THADA: variants seen among roughly 807,000 people sequenced by gnomAD.
The protein encoded by THADA is THADA armadillo repeat containing, also known as tRNA (32-2'-O)-methyltransferase regulator THADA.
In THADA, 213 loss-of-function variants were observed where a neutral mutation model predicts 219.8. That is an observed-to-expected ratio of 0.97 (90% CI 0.87 to 1.09). The LOEUF (loss-of-function observed/expected upper bound fraction) is 1.09. Among genes scored for constraint, THADA ranks in the 50% least tolerant of loss-of-function variants. The probability of loss-of-function intolerance (pLI) is 0.00; values close to 1 mark genes in which losing one functional copy is unlikely to be tolerated. For synonymous variants in THADA, 1,018 were observed against 828.9 expected, an observed-to-expected ratio of 1.23 and a Z score of -3.92; for missense variants, 2,956 against 2,311.3, an observed-to-expected ratio of 1.28 and a Z score of -5.72.
chr2:43,386,187 T>C (rs1292260221), intron 29 of THADA, among the ~76,000 whole-genome samples: 2 of 152,044 alleles, frequency 1.3e-5, no homozygotes, highest in African/African-American at 4.8e-5. Context: ...AAGGCAACAA[T>C]TGGCCAAAAA....
intron 28 of THADA, among the ~76,000 whole-genome samples, chr2:43,417,037 CTTTTTTTTTT>C (rs67993873): frequency 2.1e-5 from 2 of 93,780 alleles, no homozygotes; most frequent in Admixed American, 1.2e-4. Flanking sequence ...TGGCTGTTTT[CTTTTTTTTTT>C]TTTTTTTTTT....
intron 30 of THADA, chr2:43,343,821 A>G (rs932279852): frequency 1.2e-5 from 3 of 245,404 alleles, no homozygotes; most frequent in Non-Finnish European, 2.4e-5. Flanking sequence ...ACTGCCTTTC[A>G]TTGTTATAAT....
chr2:43,513,731 C>G (rs1367568456), intron 22 of THADA, among the ~76,000 whole-genome samples: 1 of 151,800 alleles, frequency 6.6e-6, no homozygotes, highest in Non-Finnish European at 1.5e-5. Flanking sequence ...GCCAGTGAGC[C>G]AAAATTCAAA....
At chr2:43,462,262 C>G (rs1683723973) in intron 26 of THADA, among the ~76,000 whole-genome samples, 1 of 152,164 alleles carries the variant, frequency 6.6e-6, no homozygotes, top group South Asian at 2.1e-4. Flanking sequence ...CATCTTTCCA[C>G]AGAAACTCTA....
At chr2:43,557,057 T>C (rs1697449892) in intron 16 of THADA, among the ~76,000 whole-genome samples, 1 of 151,962 alleles carries the variant, frequency 6.6e-6, no homozygotes, top group Non-Finnish European at 1.5e-5. Flanking sequence ...TGCTCCAGCC[T>C]AGGCAATAGA....
chr2:43,342,317 A>G (rs1324224835), intron 30 of THADA, among the ~76,000 whole-genome samples: 1 of 152,176 alleles, frequency 6.6e-6, no homozygotes, highest in Non-Finnish European at 1.5e-5. Context: ...TCCCTATCCA[A>G]AGCTATTAAT....
intron 22 of THADA, among the ~76,000 whole-genome samples, chr2:43,527,598 T>TAA (rs142899117): frequency 0.11 from 16,834 of 148,146 alleles, 1,045 homozygotes; most frequent in African/African-American, 0.17. Flanking sequence ...TTTCATTCAA[T>TAA]AAAAAAAAAA....
chr2:43,463,266 G>T (rs980252006), intron 26 of THADA: 16 of 152,090 alleles, frequency 1.1e-4, no homozygotes, highest in African/African-American at 3.6e-4. Context: ...TTACACAAAG[G>T]TATCAGAAAG....
intron 31 of THADA, among the ~76,000 whole-genome samples, chr2:43,298,798 G>A (rs1675903705): frequency 6.6e-6 from 1 of 152,136 alleles, no homozygotes; most frequent in Admixed American, 6.5e-5. Flanking sequence ...CAAAGAAGGA[G>A]GAGATGGGGA....
intron 36 of THADA, among the ~76,000 whole-genome samples, chr2:43,255,601 G>A (rs926467270): frequency 1.3e-5 from 2 of 152,198 alleles, no homozygotes; most frequent in African/African-American, 4.8e-5. Flanking sequence ...AACCTCTCCC[G>A]CCTTTTGGAG....
At chr2:43,554,686 C>T (rs1441741390) in intron 17 of THADA, among the ~76,000 whole-genome samples, 1 of 152,062 alleles carries the variant, frequency 6.6e-6, no homozygotes, top group Non-Finnish European at 1.5e-5. Flanking sequence ...ATACAAGTCT[C>T]GGAATTTGTT....
At chr2:43,239,403 C>T (rs989923582) in intron 36 of THADA, among the ~76,000 whole-genome samples, 1 of 152,242 alleles carries the variant, frequency 6.6e-6, no homozygotes, top group African/African-American at 2.4e-5. Flanking sequence ...AAGACCCAGG[C>T]CTCACACAGT....
chr2:43,419,084 G>A (rs1677373207), intron 28 of THADA, among the ~76,000 whole-genome samples: 2 of 152,118 alleles, frequency 1.3e-5, no homozygotes, highest in African/African-American at 4.8e-5. Context: ...GTTTCTCCAT[G>A]GACAGAACCC....
chr2:43,464,819 C>A (rs900145551), intron 26 of THADA, among the ~76,000 whole-genome samples: 1 of 152,102 alleles, frequency 6.6e-6, no homozygotes, highest in South Asian at 2.1e-4. Flanking sequence ...CCCCGCAGGA[C>A]TGTATTTTCA....
At chr2:43,492,904 G>A (rs1276266943) in intron 25 of THADA, among the ~76,000 whole-genome samples, 1 of 152,134 alleles carries the variant, frequency 6.6e-6, no homozygotes, top group East Asian at 1.9e-4. Context: ...ACATATGAGT[G>A]AATTAGAAAA....
intron 37 of THADA, among the ~76,000 whole-genome samples, chr2:43,232,460 G>A (rs568370789): frequency 2.0e-5 from 3 of 152,046 alleles, no homozygotes; most frequent in Non-Finnish European, 4.4e-5. Flanking sequence ...TTACAAGCAT[G>A]AGCCGCTGTG....
At chr2:43,503,442 C>T (rs534794774) in intron 24 of THADA, among the ~76,000 whole-genome samples, 30 of 151,860 alleles carry the variant, frequency 2.0e-4, no homozygotes, top group Admixed American at 4.6e-4. Flanking sequence ...TAAAAAGTGT[C>T]GAAAACAACA....
chr2:43,563,585 T>G (rs1399149228), intron 15 of THADA: 1 of 152,226 alleles, frequency 6.6e-6, no homozygotes, highest in African/African-American at 2.4e-5. Flanking sequence ...TTTGGGACTG[T>G]GAATATCCTC....
chr2:43,409,574 T>C (rs746353402), intron 28 of THADA, among the ~76,000 whole-genome samples: 1 of 152,184 alleles, frequency 6.6e-6, no homozygotes, highest in African/African-American at 2.4e-5. Context: ...CCAGTACCCA[T>C]GTTTATACTG....
Sources: allele counts gnomAD v4.1 joint callset (sites outside exome capture counted in the v4.1 genomes callset), GRCh38; gene constraint gnomAD v4.1.1; transcripts MANE v1.5; gene names NCBI Gene and HGNC (gene_info 2026-07-23, HGNC 2026-07-21).